The following KMT2E variants were observed in gnomAD, a reference collection of about 807,000 sequenced individuals.
KMT2E encodes lysine methyltransferase 2E (inactive).
KMT2E carries 30 observed loss-of-function variants against 184.6 expected under a neutral mutation model. The ratio of observed to expected loss-of-function variants is 0.16; its 90% CI spans 0.12 to 0.22. The LOEUF (loss-of-function observed/expected upper bound fraction) is 0.22. Among genes scored for constraint, KMT2E ranks in the 10% least tolerant of loss-of-function variants. KMT2E has a pLI of 1.00. For missense variants in KMT2E, 2,023 were observed against 2,237.4 expected (o/e 0.90, Z 1.93); for synonymous variants, 815 against 776.5 (o/e 1.05, Z -0.82).
At chr7:105,066,846 A>G (rs759890223) in intron 6 of KMT2E, 39 bp downstream of exon 6, 96 of 1,338,224 alleles carry the variant, frequency 7.2e-5, no homozygotes, top group Non-Finnish European at 1.0e-4. Context: ...CAGTAATTTT[A>G]CTGAGGTAAT....
intron 5 of KMT2E, among the ~76,000 whole-genome samples, chr7:105,066,082 C>G (rs915944330): frequency 6.6e-6 from 1 of 151,888 alleles, no homozygotes; most frequent in Non-Finnish European, 1.5e-5. Context: ...GTTGGAAATG[C>G]CTCTTTAGTT....
chr7:105,101,039 C>T (rs1245180673), intron 15 of KMT2E, among the ~76,000 whole-genome samples: 1 of 152,124 alleles, frequency 6.6e-6, no homozygotes. Context: ...TGAATTTTAC[C>T]TTTTCAACAT....
intron 3 of KMT2E, among the ~76,000 whole-genome samples, chr7:105,042,658 G>A (rs1795932941): frequency 6.6e-6 from 1 of 152,160 alleles, no homozygotes; most frequent in Non-Finnish European, 1.5e-5. Context: ...GTTAATAGAG[G>A]AGTAAAATGA....
intron 1 of KMT2E, among the ~76,000 whole-genome samples, chr7:105,025,427 T>G (rs1795138691): frequency 6.6e-6 from 1 of 152,224 alleles, no homozygotes; most frequent in Non-Finnish European, 1.5e-5. Flanking sequence ...CTCTGACTTC[T>G]GTGTGTAAGG....
intron 1 of KMT2E, among the ~76,000 whole-genome samples, chr7:105,036,113 A>G (rs963976109): frequency 2.0e-5 from 3 of 149,838 alleles, no homozygotes; most frequent in Non-Finnish European, 3.0e-5. Context: ...TATAAATTCT[A>G]GATTATTTAT....
At chr7:105,023,276 C>G (rs1277967244) in intron 1 of KMT2E, among the ~76,000 whole-genome samples, 1 of 151,676 alleles carries the variant, frequency 6.6e-6, no homozygotes, top group Non-Finnish European at 1.5e-5. Context: ...GTGGCGGGCC[C>G]CTGTAATCCC....
intron 3 of KMT2E, among the ~76,000 whole-genome samples, chr7:105,059,787 G>A (rs892985132): frequency 6.6e-5 from 10 of 151,840 alleles, no homozygotes; most frequent in African/African-American, 2.4e-4. Flanking sequence ...AAGATACATG[G>A]CAATATTAAC....
intron 6 of KMT2E, among the ~76,000 whole-genome samples, chr7:105,070,709 G>A (rs1174813139): frequency 6.6e-6 from 1 of 151,526 alleles, no homozygotes; most frequent in African/African-American, 2.4e-5. Context: ...GCTCTTTGGG[G>A]GGCTGAGGCA....
At chr7:105,041,327 A>G (rs1488832160) in intron 3 of KMT2E, among the ~76,000 whole-genome samples, 1 of 152,126 alleles carries the variant, frequency 6.6e-6, no homozygotes, top group Non-Finnish European at 1.5e-5. Context: ...ATTTTCCTAT[A>G]GTATTTGATA....
At chr7:105,102,284 C>A in intron 17 of KMT2E, 90 bp downstream of exon 17, 1 of 1,104,738 alleles carries the variant, frequency 9.1e-7, no homozygotes, top group Admixed American at 3.1e-5. Flanking sequence ...TTTAAGACCT[C>A]ATAATAATAA....
At chr7:105,072,862 C>G (rs1797378396) in intron 6 of KMT2E, among the ~76,000 whole-genome samples, 1 of 151,774 alleles carries the variant, frequency 6.6e-6, no homozygotes. Flanking sequence ...TGCAGTGAGC[C>G]AAGATTGCGC....
At chr7:105,075,925 G>C in intron 8 of KMT2E, 118 bp from the exon 9 acceptor site, 2 of 728,828 alleles carry the variant, frequency 2.7e-6, no homozygotes, top group South Asian at 3.3e-5. Context: ...AGCTTTCTTG[G>C]TTACCAAATT....
In KMT2E at chr7:105,113,567, G is replaced by T; in HGVS notation, c.*234G>T. On this transcript the variant is annotated 3_prime_UTR_variant, in exon 27 of 27. Coordinates refer to ENST00000311117, the MANE Select transcript of KMT2E (RefSeq NM_182931.3). ...GTGAACATTCCAGCTGTTTTTTTCT[G>T]GCAGATCTGATGCTGATTTGATGCT... The T allele has an allele frequency of 4.9e-6, 2 of 408,694 alleles. No homozygotes were observed. Among genetic ancestry groups the T allele is most frequent in the South Asian group, 5.1e-5 (1 of 19,656 alleles). 25.3% of individuals were successfully genotyped at this position (408,694 alleles called of 1,614,324 possible). A position where few individuals can be genotyped will look rare whatever the true frequency, so the allele number is the denominator to read the frequency against.
At chr7:105,039,967 A>C (rs1795810236) in intron 2 of KMT2E, among the ~76,000 whole-genome samples, 1 of 152,096 alleles carries the variant, frequency 6.6e-6, no homozygotes, top group African/African-American at 2.4e-5. Context: ...GTTGAAGCTA[A>C]GTATCTTTTA....
intron 13 of KMT2E, among the ~76,000 whole-genome samples, chr7:105,082,028 A>ATTG (rs1440017412): frequency 6.6e-6 from 1 of 152,214 alleles, no homozygotes; most frequent in African/African-American, 2.4e-5. Context: ...CACAGTAATT[A>ATTG]TAACAAGTAA....
intron 23 of KMT2E, 38 bp from the exon 24 acceptor site, chr7:105,110,242 T>A: frequency 6.5e-7 from 1 of 1,526,780 alleles, no homozygotes; most frequent in South Asian, 1.1e-5. Context: ...TAGCAGTAGT[T>A]TCTTTCAATA....
At chr7:105,056,476 C>T (rs948240986) in intron 3 of KMT2E, among the ~76,000 whole-genome samples, 2 of 152,164 alleles carry the variant, frequency 1.3e-5, no homozygotes, top group East Asian at 1.9e-4. Flanking sequence ...GAAGATTCCA[C>T]CTGCCATGTT....
chr7:105,088,127 G>A (rs986104752), intron 13 of KMT2E, among the ~76,000 whole-genome samples: 1 of 152,084 alleles, frequency 6.6e-6, no homozygotes, highest in African/African-American at 2.4e-5. Flanking sequence ...ATCCCATAGA[G>A]GTTAAGAATG....
intron 1 of KMT2E, among the ~76,000 whole-genome samples, chr7:105,017,643 A>G (rs1309158081): frequency 6.6e-6 from 1 of 152,062 alleles, no homozygotes; most frequent in Non-Finnish European, 1.5e-5. Flanking sequence ...AGAGTTTTGA[A>G]AGAATTTGGT....
Sources: allele counts gnomAD v4.1 joint callset (sites outside exome capture counted in the v4.1 genomes callset), GRCh38; gene constraint gnomAD v4.1.1; transcripts MANE v1.5; gene names NCBI Gene and HGNC (gene_info 2026-07-23, HGNC 2026-07-21).